The following WIPF2 variants were observed in gnomAD, a reference collection of about 807,000 sequenced individuals.
WIPF2 encodes WAS/WASL interacting protein family member 2.
In WIPF2, 23 loss-of-function variants were observed where a neutral mutation model predicts 38.8. The ratio of observed to expected loss-of-function variants is 0.59; its 90% confidence interval spans 0.43 to 0.84. The LOEUF (loss-of-function observed/expected upper bound fraction) is 0.84, where lower values mean the gene tolerates loss of function less well. WIPF2 is among the 40% of genes least tolerant of loss of function. The pLI is 0.00. For missense variants in WIPF2, 574 were observed against 580.5 expected (o/e 0.99, Z 0.11); for synonymous variants, 210 against 223.2 (o/e 0.94, Z 0.53).
At chr17:40,257,042 G>A (rs1598486996) in intron 2 of WIPF2, among the ~76,000 whole-genome samples, 3 of 151,936 alleles carry the variant, frequency 2.0e-5, no homozygotes, top group Non-Finnish European at 2.9e-5. Flanking sequence ...GCAGTGGCAC[G>A]GTCTCGGCTC....
In WIPF2 at chr17:40,278,242, G is replaced by A. The variant is rs200093951; in HGVS notation, c.*17G>A. 580 of 1,613,068 alleles carry A rather than the reference G, an allele frequency of 3.6e-4. 1 individual carries two copies. Among genetic ancestry groups the A allele is most frequent in the Admixed American group, 2.8e-4 (17 of 59,884 alleles). ...CTCAGGTGAAGCCTGGCTTGGTCCC[G>A]TTCCTCAGGAAAAGGATGGACCTTC... is the stretch of plus-strand genomic sequence containing the variant. On this transcript the variant is annotated 3_prime_UTR_variant, in exon 8 of 8. Transcript: ENST00000323571.
Position 40,273,979 on chromosome 17 carries a change from C to T in WIPF2, c.1160C>T (p.Thr387Ile). 1 of 1,567,090 alleles carries T rather than the reference C, an allele frequency of 6.4e-7. No homozygotes were observed. The highest frequency in any genetic ancestry group is 8.6e-7 in the Non-Finnish European group (1 of 1,157,298). The change falls in exon 6 of 8, where the codon ACC becomes ATC. Residue 387 changes from threonine to isoleucine, a missense_variant. By Grantham distance (89) the Thr-to-Ile change is moderately conservative. Coordinates refer to ENST00000323571, the MANE Select transcript of WIPF2 (RefSeq NM_133264.5). ...AGGAATGGCCACAGAGATTCTATCA[C>T]CACTGTCCGGTCTTTCTTGGGTGAG... ...PLRNGHRDSI[T>I]TVRSFLDDFE... is the part of the protein sequence containing the mutation.
At chr17:40,232,898 A>C in intron 1 of WIPF2, among the ~76,000 whole-genome samples, 1 of 152,140 alleles carries the variant, frequency 6.6e-6, no homozygotes, top group East Asian at 1.9e-4. Context: ...TCGGCCTCCC[A>C]AAGTGCTGGT....
rs374588239 is a variant in WIPF2, at chr17:40,264,474, G to C, written c.314-16G>C. The C allele has an allele frequency of 4.3e-6, 7 of 1,613,554 alleles. No individual in the cohort carries two copies. Among genetic ancestry groups the C allele is most frequent in the Non-Finnish European group, 5.9e-6 (7 of 1,179,810 alleles). On this transcript the variant is annotated splice_polypyrimidine_tract_variant and intron_variant, in intron 4 of 7. Transcript: ENST00000323571. ...TGTCCAGCTCTGTTGACCCTGTGTT[G>C]TCTATGTATTTGTAGAGAACCTAGC...
chr17:40,260,879 A>T, intron 3 of WIPF2: 1 of 603,654 alleles, frequency 1.7e-6, no homozygotes, highest in Non-Finnish European at 2.9e-6. Flanking sequence ...CTCACCGGGC[A>T]TGGTGGCTCA....
intron 1 of WIPF2, among the ~76,000 whole-genome samples, chr17:40,251,343 T>C (rs566681052): frequency 6.6e-6 from 1 of 152,242 alleles, no homozygotes; most frequent in African/African-American, 2.4e-5. Context: ...GGTTCATTTT[T>C]TTTTTTTTTT....
rs1295487629 is a variant in WIPF2, at chr17:40,278,893, G to T, written c.*668G>T. 3 of 151,934 alleles carry T rather than the reference G, an allele frequency of 2.0e-5. No homozygotes were observed. The highest frequency in any genetic ancestry group is 7.3e-5 in the African/African-American group (3 of 41,346). 9.4% of individuals were successfully genotyped at this position (151,934 alleles called of 1,614,324 possible). Reference sequence around the variant, plus strand: ...ACTTAACATTTAATAAAAAGAAAGGGTGAAATAAACTGAAGACCATTTTAG... The same window carrying T: ...ACTTAACATTTAATAAAAAGAAAGGTTGAAATAAACTGAAGACCATTTTAG... On this transcript the variant is annotated 3_prime_UTR_variant, in exon 8 of 8. Transcript: ENST00000323571.
intron 6 of WIPF2, among the ~76,000 whole-genome samples, 189 bp from the exon 7 acceptor site, chr17:40,276,894 C>T (rs2032420946): frequency 6.6e-6 from 1 of 151,256 alleles, no homozygotes; most frequent in African/African-American, 2.5e-5. Flanking sequence ...TGAATACATG[C>T]TCTGTGCATG....
intron 1 of WIPF2, among the ~76,000 whole-genome samples, chr17:40,235,223 A>C (rs1381084569): frequency 6.6e-6 from 1 of 152,112 alleles, no homozygotes; most frequent in African/African-American, 2.4e-5. Context: ...TGTTGGTAGA[A>C]TTTAAACCAC....
chr17:40,256,309 A>T, intron 1 of WIPF2, 82 bp from the exon 2 acceptor site: 2 of 1,139,058 alleles, frequency 1.8e-6, no homozygotes, highest in Non-Finnish European at 2.5e-6. Context: ...TCTTTTGATT[A>T]CCATGCCCAG....
Position 40,262,569 on chromosome 17 carries a change from C to A in WIPF2, c.241C>A (p.Leu81Met). 6.2e-7 allele frequency: 1 copy of A among 1,614,036 alleles called. No individual in the cohort carries two copies. The highest frequency in any genetic ancestry group is 1.1e-5 in the South Asian group (1 of 91,058). ...SGGYGSGGAA[L>M]QPKGGLFQGG... Reference sequence around the variant, plus strand: ...TGGCTATGGCTCTGGAGGAGCTGCCCTGCAGCCCAAGGGAGGTCTCTTCCA... The same window carrying A: ...TGGCTATGGCTCTGGAGGAGCTGCCATGCAGCCCAAGGGAGGTCTCTTCCA... The change falls in exon 4 of 8, where the codon CTG (leucine) becomes ATG (methionine). Residue 81 changes from leucine (L) to methionine (M), a missense_variant. Physicochemically the swap from Leu to Met is conservative, Grantham distance 15. Transcript: ENST00000323571.
Position 40,220,890 on chromosome 17 carries a change from C to T in WIPF2, c.-70+1398C>T, listed in dbSNP as rs558501959. 2.3e-3 allele frequency among the ~76,000 whole-genome samples: 353 copies of T among 151,444 alleles called. 3 individuals carry two copies. The highest frequency in any genetic ancestry group is 7.5e-3 in the African/African-American group (308 of 41,254). ...CCCGGGTTCACGCCCATTCTTCTGC[C>T]TCAGCCTCCCGAGTAGCTGGGACTA... On this transcript the variant is annotated intron_variant, in intron 1 of 7. Transcript: ENST00000323571.
At chr17:40,221,461 A>G (rs1292559114) in intron 1 of WIPF2, among the ~76,000 whole-genome samples, 4 of 152,020 alleles carry the variant, frequency 2.6e-5, no homozygotes, top group African/African-American at 7.2e-5. Context: ...AAGACATACA[A>G]TGGTGCACCT....
intron 1 of WIPF2, among the ~76,000 whole-genome samples, chr17:40,231,201 G>A (rs575220289): frequency 5.0e-4 from 76 of 152,240 alleles, no homozygotes; most frequent in Non-Finnish European, 1.5e-5. Flanking sequence ...TGTAAGAGAA[G>A]AGACTCCTTG....
At chr17:40,256,992 T>G (rs1171818253) in intron 2 of WIPF2, among the ~76,000 whole-genome samples, 2 of 152,160 alleles carry the variant, frequency 1.3e-5, no homozygotes, top group South Asian at 2.1e-4. Flanking sequence ...TTCCTTTTTT[T>G]TTTTGAAACG....
Position 40,278,201 on chromosome 17 carries a change from A to G in WIPF2, c.1299A>G (p.Pro433=), listed in dbSNP as rs1269684957. The change falls in exon 8 of 8, where the codon CCA becomes CCG. Residue 433 remains proline, a synonymous_variant. Transcript: ENST00000323571. ...SKTNRAARGA[P]PLPPILR is the part of the protein sequence containing the mutation. ...TTTTTTCAGCTGCCCGTGGAGCCCC[A>G]CCTCTGCCACCCATTCTCAGGTGAA... The G allele has an allele frequency of 5.0e-6, 8 of 1,613,178 alleles. No homozygotes were observed. The highest frequency in any genetic ancestry group is 1.6e-4 in the Middle Eastern group (1 of 6,082).
intron 5 of WIPF2, among the ~76,000 whole-genome samples, chr17:40,268,807 C>T (rs1194998532): frequency 2.0e-5 from 3 of 152,056 alleles, no homozygotes; most frequent in Non-Finnish European, 4.4e-5. Flanking sequence ...AGTATTGCCT[C>T]GATTTGTTGT....
chr17:40,231,120 C>T (rs112964223), intron 1 of WIPF2, among the ~76,000 whole-genome samples: 12 of 152,150 alleles, frequency 7.9e-5, no homozygotes, highest in East Asian at 3.9e-4. Context: ...GATCAAGGGA[C>T]GGAAATGTGC....
chr17:40,267,944 A>T (rs1174864034), intron 5 of WIPF2, among the ~76,000 whole-genome samples: 1 of 152,106 alleles, frequency 6.6e-6, no homozygotes, highest in African/African-American at 2.4e-5. Context: ...GGAGTTCGAG[A>T]CCAGCCTGGG....
Sources: allele counts gnomAD v4.1 joint callset (sites outside exome capture counted in the v4.1 genomes callset), GRCh38; gene constraint gnomAD v4.1.1; transcripts MANE v1.5; gene names NCBI Gene and HGNC (gene_info 2026-07-23, HGNC 2026-07-21).